TRAF3IP2: variants seen among roughly 807,000 people sequenced by gnomAD.
The protein encoded by TRAF3IP2 is TRAF3 interacting protein 2.
Under a neutral mutation model 57.9 loss-of-function variants are expected in TRAF3IP2, and 35 were observed. That is an observed-to-expected ratio of 0.60 (90% CI 0.46 to 0.80). The LOEUF is 0.80. Among genes scored for constraint, TRAF3IP2 ranks in the 30% least tolerant of loss-of-function variants. The pLI, the probability that TRAF3IP2 is intolerant of heterozygous loss-of-function variation, is 0.00. For synonymous variants in TRAF3IP2, 251 were observed against 268.9 expected, an observed-to-expected ratio of 0.93 and a Z score of 0.65; for missense variants, 556 against 706.4, an observed-to-expected ratio of 0.79 and a Z score of 2.41.
chr6:111,583,653 A>G (rs1024699759), intron 2 of TRAF3IP2, among the ~76,000 whole-genome samples: 1 of 152,218 alleles, frequency 6.6e-6, no homozygotes, highest in Non-Finnish European at 1.5e-5. Context: ...CTGATTCTAC[A>G]TTATAATGAG....
In TRAF3IP2 at chr6:111,559,489, G is replaced by T; in HGVS notation, c.1614C>A (p.Asn538Lys). The change falls in exon 9 of 9, where the codon AAC (asparagine) becomes AAA (lysine). Residue 538 changes from asparagine to lysine, a missense_variant. Coordinates refer to ENST00000368761, the MANE Select transcript of TRAF3IP2 (RefSeq NM_147686.4). ...HVYSWPKNKKNILLRLLREEE... is the reference protein window; with the variant it reads ...HVYSWPKNKKKILLRLLREEE... ...CCTCTCTCAGCAGCCGCAGCAGGAT[G>T]TTTTTTTTATTCTTGGGCCAGCTGT... 1 of 1,614,026 alleles carries T rather than the reference G, an allele frequency of 6.2e-7. No homozygotes were observed. Among genetic ancestry groups the T allele is most frequent in the African/African-American group, 1.3e-5 (1 of 75,018 alleles).
At chr6:111,568,432 AGTGTGTGTGTGTGTGTGTGTGT>A (rs58088162) in intron 5 of TRAF3IP2, among the ~76,000 whole-genome samples, 8 of 146,830 alleles carry the variant, frequency 5.4e-5, no homozygotes, top group African/African-American at 1.0e-4. Context: ...TATACTGCAG[AGTGTGTGTGTGTGTGTGTGTGT>A]GTGTGTGTGT....
intron 1 of TRAF3IP2, among the ~76,000 whole-genome samples, chr6:111,592,433 C>A (rs777656857): frequency 3.8e-4 from 58 of 152,230 alleles, no homozygotes; most frequent in Non-Finnish European, 5.1e-4. Flanking sequence ...TTCGTGTGTG[C>A]TTGGAATACA....
In TRAF3IP2 at chr6:111,555,714, C is replaced by T. The variant is rs556324421; in HGVS notation, c.*3691G>A. Among the ~76,000 whole-genome samples, 21 of 152,292 alleles carry T rather than the reference C, an allele frequency of 1.4e-4. No individual in the cohort carries two copies. Among genetic ancestry groups the T allele is most frequent in the African/African-American group, 5.1e-4 (21 of 41,570 alleles). ...AAGTCAGCCCTACCCCACTTCCACC[C>T]CAAAAATATCTAAAGATGAATGCCT... On this transcript the variant is annotated 3_prime_UTR_variant, in exon 9 of 9. Coordinates refer to ENST00000368761, the MANE Select transcript of TRAF3IP2 (RefSeq NM_147686.4).
rs1795285833 is a variant in TRAF3IP2, at chr6:111,557,534, A to G, written c.*1871T>C. 1 of 141,848 alleles carries G rather than the reference A, an allele frequency of 7.0e-6. No individual in the cohort carries two copies. The highest frequency in any genetic ancestry group is 2.2e-4 in the South Asian group (1 of 4,520). The allele number at this position is 141,848 out of a possible 1,614,324, so 8.8% of individuals were successfully genotyped here. Reference sequence around the variant, plus strand: ...AAGCTCCGCCTCCCGGGTTGACACCATTTTCCTGCCTCAGCCTCCCCAGTA... The same window carrying G: ...AAGCTCCGCCTCCCGGGTTGACACCGTTTTCCTGCCTCAGCCTCCCCAGTA... On this transcript the variant is annotated 3_prime_UTR_variant, in exon 9 of 9. Transcript: ENST00000368761.
intron 1 of TRAF3IP2, among the ~76,000 whole-genome samples, chr6:111,604,734 C>A (rs1796969385): frequency 6.6e-6 from 1 of 152,162 alleles, no homozygotes. Context: ...CATTTGGTAG[C>A]ATGCTGGATT....
At chr6:111,597,156 C>G (rs547873616) in intron 1 of TRAF3IP2, among the ~76,000 whole-genome samples, 1 of 152,236 alleles carries the variant, frequency 6.6e-6, no homozygotes, top group African/African-American at 2.4e-5. Context: ...GTGACCCTTC[C>G]CTCTTCTTTT....
In TRAF3IP2 at chr6:111,566,568, TGA is replaced by T; in HGVS notation, c.1360-10_1360-9del. On this transcript the variant is annotated splice_polypyrimidine_tract_variant and intron_variant, in intron 6 of 8. Transcript: ENST00000368761. Reference sequence around the variant, plus strand: ...GATTATCATCACGGTCTTCTGTTAATGAGAGGGAGAAAGGCATGTTTATGGAA... The same window carrying T: ...GATTATCATCACGGTCTTCTGTTAATGAGGGAGAAAGGCATGTTTATGGAA... 1 of 1,611,822 alleles carries T rather than the reference TGA, an allele frequency of 6.2e-7. No individual in the cohort carries two copies. Among genetic ancestry groups the T allele is most frequent in the Non-Finnish European group, 8.5e-7 (1 of 1,177,872 alleles).
rs1274071501 is a variant in TRAF3IP2 at position 111,556,011 on chromosome 6, G to C, written c.*3394C>G. 1.3e-5 allele frequency among the ~76,000 whole-genome samples: 2 copies of C among 151,764 alleles called. No individual in the cohort carries two copies. The highest frequency in any genetic ancestry group is 2.1e-4 in the South Asian group (1 of 4,830). On this transcript the variant is annotated 3_prime_UTR_variant, in exon 9 of 9. Coordinates refer to ENST00000368761, the MANE Select transcript of TRAF3IP2 (RefSeq NM_147686.4). ...ACAGCTACTCGAGAGGCTGAGGCAG[G>C]AGAATCGCTTGAACCCGGGAGGTGG...
In TRAF3IP2 at chr6:111,591,265, C is replaced by G. The variant is rs535612529; in HGVS notation, c.822G>C (p.Gln274His). ...HYHCPGSPDH[Q>H]VPYGHDYPRA... ...GAGGTAAAGATCACTTACATGGCACCTGGTGATCGGGACTTCCAGGACAAT... is the reference window on the plus strand; with the variant it reads ...GAGGTAAAGATCACTTACATGGCACGTGGTGATCGGGACTTCCAGGACAAT... Residue 274 changes from glutamine to histidine, a missense_variant, in exon 2 of 9, where the codon CAG (glutamine) becomes CAC (histidine). Around this residue, in one of 2 missense-constraint regions of TRAF3IP2, gnomAD observed 428 missense variants for 498.7 expected, o/e 0.86. Coordinates refer to ENST00000368761, the MANE Select transcript of TRAF3IP2 (RefSeq NM_147686.4). The surrounding 1 kb of genome is among the most constrained non-coding windows in gnomAD (Gnocchi z 4.9). 13 of 1,485,928 alleles carry G rather than the reference C, an allele frequency of 8.7e-6. No homozygotes were observed. In the Admixed American group the frequency reaches 1.4e-4, roughly 16 times the overall value. 92.0% of individuals were successfully genotyped at this position (1,485,928 alleles called of 1,614,324 possible).
At chr6:111,578,297 C>T (rs1480886441) in intron 3 of TRAF3IP2, among the ~76,000 whole-genome samples, 4 of 152,148 alleles carry the variant, frequency 2.6e-5, no homozygotes, top group South Asian at 2.1e-4. Context: ...TATAAAATCA[C>T]ATTTTACCTA....
intron 7 of TRAF3IP2, among the ~76,000 whole-genome samples, chr6:111,565,020 G>A (rs1795584575): frequency 6.6e-6 from 1 of 152,152 alleles, no homozygotes; most frequent in African/African-American, 2.4e-5. Flanking sequence ...TACCTTTCCG[G>A]GGCACTGTAC....
At chr6:111,592,724 T>C (rs972058293) in intron 1 of TRAF3IP2, among the ~76,000 whole-genome samples, 6 of 152,164 alleles carry the variant, frequency 3.9e-5, no homozygotes, top group African/African-American at 1.4e-4. Context: ...TTTTGTTCCA[T>C]TTGACTATTT....
chr6:111,578,082 G>A (rs189761604), intron 3 of TRAF3IP2, among the ~76,000 whole-genome samples: 1 of 152,122 alleles, frequency 6.6e-6, no homozygotes, highest in Non-Finnish European at 1.5e-5. Context: ...ATCAGAACAG[G>A]CTTAAATTGA....
chr6:111,578,328 T>C (rs1321346577), intron 3 of TRAF3IP2, among the ~76,000 whole-genome samples: 1 of 152,210 alleles, frequency 6.6e-6, no homozygotes, highest in Non-Finnish European at 1.5e-5. Flanking sequence ...TTAAACTCCA[T>C]GTATTTATGG....
At position 111,555,475 on chromosome 6, in the gene TRAF3IP2, T is replaced by G. The variant is rs1795208633; in HGVS notation, c.*3930A>C. On this transcript the variant is annotated 3_prime_UTR_variant, in exon 9 of 9. Transcript: ENST00000368761. ...GCACTGAGCTGAGAAATAGCTAGTC[T>G]AATACTTTGATTGTAGCCATGTACT... is the stretch of plus-strand genomic sequence containing the variant. Among the ~76,000 whole-genome samples the G allele has an allele frequency of 1.3e-5, 2 of 152,248 alleles. No individual in the cohort carries two copies. Among genetic ancestry groups the G allele is most frequent in the South Asian group, 4.1e-4 (2 of 4,830 alleles).
intron 3 of TRAF3IP2, among the ~76,000 whole-genome samples, chr6:111,578,754 G>A (rs769279629): frequency 6.6e-6 from 1 of 151,992 alleles, no homozygotes; most frequent in African/African-American, 2.4e-5. Flanking sequence ...TTAATAAAGT[G>A]GGCTTTTTTT....
At chr6:111,563,157 C>T (rs1795508695) in intron 7 of TRAF3IP2, 118 bp from the exon 8 acceptor site, 1 of 716,976 alleles carries the variant, frequency 1.4e-6, no homozygotes, top group Admixed American at 2.3e-5. Flanking sequence ...TTGAGTGCCA[C>T]ACACTTAACA....
chr6:111,594,492 G>A, intron 1 of TRAF3IP2: 1 of 452,298 alleles, frequency 2.2e-6, no homozygotes, highest in Non-Finnish European at 4.4e-6. Flanking sequence ...AAAAAAAGTT[G>A]CAAATTCTAC....
Sources: gnomAD v4.1 joint callset for allele counts (sites outside exome capture counted in the v4.1 genomes callset) on GRCh38, gnomAD v4.1.1 for gene constraint, gnomAD v4.1.1 regional missense constraint, Gnocchi (gnomAD v3.1) non-coding constraint, MANE v1.5 for transcripts, NCBI Gene and HGNC (gene_info 2026-07-23, HGNC 2026-07-21) for gene names.